The following MYO9A variants were observed in gnomAD, a reference collection of about 807,000 sequenced individuals.
MYO9A encodes myosin IXA, also known as unconventional myosin-IXa.
In MYO9A, 103 loss-of-function variants were observed where a neutral mutation model predicts 293.3. That is an observed-to-expected ratio of 0.35 (90% CI 0.30 to 0.41). The LOEUF is 0.41. MYO9A is among the 10% of genes least tolerant of loss of function. MYO9A has a pLI of 1.00. For missense variants in MYO9A, 2,685 were observed against 3,033.0 expected (o/e 0.89, Z 2.69); for synonymous variants, 1,001 against 1,035.7 (o/e 0.97, Z 0.64).
At chr15:71,988,981 G>C (rs868526174) in intron 11 of MYO9A, among the ~76,000 whole-genome samples, 3 of 152,010 alleles carry the variant, frequency 2.0e-5, no homozygotes, top group Non-Finnish European at 4.4e-5. Flanking sequence ...TGCAACCTAC[G>C]CCGCCCACAT....
chr15:72,009,745 T>C (rs146794811), intron 7 of MYO9A, among the ~76,000 whole-genome samples: 2,046 of 152,074 alleles, frequency 0.013, 29 homozygotes, highest in African/African-American at 0.023. Context: ...AGATCTGACA[T>C]ATTCATCAGC....
chr15:71,961,335 T>C (rs548555172), intron 13 of MYO9A, among the ~76,000 whole-genome samples: 15 of 152,294 alleles, frequency 9.8e-5, no homozygotes, highest in African/African-American at 3.4e-4. Flanking sequence ...AGATGCCATA[T>C]ACTGATAAGG....
At chr15:71,989,433 C>G (rs573684406) in intron 11 of MYO9A, among the ~76,000 whole-genome samples, 2 of 152,108 alleles carry the variant, frequency 1.3e-5, no homozygotes, top group African/African-American at 4.8e-5. Context: ...ATACCAAATC[C>G]ACAGATGCGC....
intron 39 of MYO9A, among the ~76,000 whole-genome samples, chr15:71,838,312 C>A (rs1339049324): frequency 2.0e-5 from 3 of 152,072 alleles, no homozygotes; most frequent in African/African-American, 7.2e-5. Context: ...TTTTGTCACA[C>A]AATAATACCT....
At chr15:71,936,600 ATATG>A (rs1280119408) in intron 16 of MYO9A, among the ~76,000 whole-genome samples, 1 of 152,106 alleles carries the variant, frequency 6.6e-6, no homozygotes, top group African/African-American at 2.4e-5. Context: ...GTACCTGATA[ATATG>A]TATAATTATT....
chr15:72,095,101 C>T lies in MYO9A; in HGVS notation c.-72+22579G>A, dbSNP rs1251949455. On this transcript the variant is annotated intron_variant, in intron 1 of 41. Coordinates refer to ENST00000356056, the MANE Select transcript of MYO9A (RefSeq NM_006901.4). ...GAAAGGAAGAGTCAAATGTCTCTCA[C>T]TTTAAATCAAAACCTAGAATGATTA... Among the ~76,000 whole-genome samples, 2 of 92,348 alleles carry T rather than the reference C, an allele frequency of 2.2e-5. 1 individual carries two copies. The highest frequency in any genetic ancestry group is 6.5e-5 in the Non-Finnish European group (2 of 30,574). The allele number at this position is 92,348 out of a possible 152,430, so 60.6% of individuals were successfully genotyped here. A position where few individuals can be genotyped will look rare whatever the true frequency, so the allele number is the denominator to read the frequency against.
intron 18 of MYO9A, among the ~76,000 whole-genome samples, chr15:71,930,084 G>A (rs962729102): frequency 6.6e-6 from 1 of 152,128 alleles, no homozygotes; most frequent in African/African-American, 2.4e-5. Context: ...TTTTATGAAA[G>A]AATTTCTATT....
At chr15:72,116,889 C>T (rs896736405) in intron 1 of MYO9A, 1 of 152,400 alleles carries the variant, frequency 6.6e-6, no homozygotes, top group African/African-American at 2.4e-5. Flanking sequence ...GCTTCCATAA[C>T]TTCACTCTGC....
At chr15:71,917,406 G>A (rs1249110392) in intron 18 of MYO9A, among the ~76,000 whole-genome samples, 10 of 152,074 alleles carry the variant, frequency 6.6e-5, no homozygotes, top group Admixed American at 3.9e-4. Context: ...ATGGTGGCAC[G>A]TGCCTGTAGT....
chr15:71,938,701 ATG>A (rs1459391891), intron 16 of MYO9A, 149 bp downstream of exon 16: 1 of 537,570 alleles, frequency 1.9e-6, no homozygotes, highest in Admixed American at 4.0e-5. Flanking sequence ...TAACCTATTA[ATG>A]TGTTATTACA....
intron 32 of MYO9A, among the ~76,000 whole-genome samples, chr15:71,864,337 T>C (rs1260064119): frequency 1.3e-5 from 2 of 152,148 alleles, no homozygotes; most frequent in African/African-American, 4.8e-5. Flanking sequence ...ATAGCAAATG[T>C]TGGTAAGAAT....
rs762040255 is a variant in MYO9A at position 71,903,955 on chromosome 15, C to G, written c.2851G>C (p.Gly951Arg). ...MLETVRIRQS[G>R]YSSKYSFQDF... is the part of the protein sequence containing the mutation. ...TGGAAAGAATATTTGGAGCTGTATC[C>G]TGATTGGCGAATTCGAACTGTTTCC... Residue 951 changes from glycine (G) to arginine (R), a missense_variant, in exon 21 of 42, where the codon GGA (glycine) becomes CGA (arginine). By Grantham distance (125) the Gly-to-Arg change is moderately radical. Coordinates refer to ENST00000356056, the MANE Select transcript of MYO9A (RefSeq NM_006901.4). The G allele has an allele frequency of 6.2e-7, 1 of 1,613,972 alleles. No homozygotes were observed. Among genetic ancestry groups the G allele is most frequent in the Non-Finnish European group, 8.5e-7 (1 of 1,179,970 alleles).
At chr15:72,088,260 T>C (rs2079804389) in intron 1 of MYO9A, among the ~76,000 whole-genome samples, 1 of 152,212 alleles carries the variant, frequency 6.6e-6, no homozygotes, top group African/African-American at 2.4e-5. Context: ...ACACAATTAT[T>C]AATATGTTCA....
At chr15:72,016,388 G>A (rs1390068682) in intron 6 of MYO9A, among the ~76,000 whole-genome samples, 2 of 152,090 alleles carry the variant, frequency 1.3e-5, no homozygotes, top group African/African-American at 4.8e-5. Flanking sequence ...TATTTAATAG[G>A]ATAACCCTTA....
intron 6 of MYO9A, among the ~76,000 whole-genome samples, chr15:72,014,101 A>G (rs1217373158): frequency 6.6e-6 from 1 of 152,152 alleles, no homozygotes; most frequent in East Asian, 1.9e-4. Flanking sequence ...GACACTGTCC[A>G]GTTCCATATT....
intron 6 of MYO9A, among the ~76,000 whole-genome samples, chr15:72,015,756 C>T (rs1459840817): frequency 3.4e-5 from 5 of 146,260 alleles, no homozygotes; most frequent in Admixed American, 7.0e-5. Flanking sequence ...GGCGTGATCT[C>T]GGCTCACTGC....
intron 18 of MYO9A, among the ~76,000 whole-genome samples, chr15:71,928,486 T>G (rs1007420400): frequency 1.3e-5 from 2 of 151,910 alleles, no homozygotes; most frequent in Non-Finnish European, 2.9e-5. Context: ...AAAATGAAAA[T>G]GGAATGTTAT....
chr15:72,041,803 A>G (rs2078233917), intron 2 of MYO9A: 3 of 152,370 alleles, frequency 2.0e-5, no homozygotes, highest in African/African-American at 7.2e-5. Context: ...AATATTATAT[A>G]AAACTTTATG....
At chr15:71,885,610 T>C (rs2056996367) in intron 27 of MYO9A, among the ~76,000 whole-genome samples, 1 of 152,176 alleles carries the variant, frequency 6.6e-6, no homozygotes, top group Admixed American at 6.6e-5. Flanking sequence ...ACTTTCATCA[T>C]TGTAACAGAT....
Sources: gnomAD v4.1 joint callset for allele counts (sites outside exome capture counted in the v4.1 genomes callset) on GRCh38, gnomAD v4.1.1 for gene constraint, MANE v1.5 for transcripts, NCBI Gene and HGNC (gene_info 2026-07-23, HGNC 2026-07-21) for gene names.